Variants in LMX1B observed in about 807,000 individuals in gnomAD.
LMX1B encodes the protein LIM homeobox transcription factor 1-beta.
LMX1B carries 12 observed loss-of-function variants against 51.4 expected under a neutral mutation model. That is an observed-to-expected ratio of 0.23 (90% CI 0.15 to 0.38). The LOEUF (loss-of-function observed/expected upper bound fraction) is 0.38. Ranked by LOEUF, LMX1B falls within the 10% of genes least tolerant of loss-of-function variation. The probability of loss-of-function intolerance (pLI) is 1.00; values close to 1 mark genes in which losing one functional copy is unlikely to be tolerated. For synonymous variants in LMX1B, 237 were observed against 235.4 expected (o/e 1.01, Z -0.06); for missense variants, 445 against 571.1 (o/e 0.78, Z 2.25).
rs1009376337 is a variant in LMX1B, at chr9:126,673,774, G to C, written c.327-17062G>C. 5.9e-5 allele frequency among the ~76,000 whole-genome samples: 9 copies of C among 152,174 alleles called. No homozygotes were observed. The highest frequency in any genetic ancestry group is 2.2e-4 in the African/African-American group (9 of 41,446). On this transcript the variant is annotated intron_variant, in intron 2 of 7. Coordinates refer to ENST00000373474, the MANE Select transcript of LMX1B (RefSeq NM_001174147.2). This position sits in a 1 kb window ranked among gnomAD's most constrained non-coding sequence, Gnocchi z 4.4. ...AGCATTTAGGAATCTGCTTGTGCAG[G>C]GGTGGTGGGAGGGGCCGGGGTGGAG...
intron 6 of LMX1B, 155 bp downstream of exon 6, chr9:126,693,967 A>G: frequency 1.7e-6 from 1 of 593,712 alleles, no homozygotes; most frequent in Admixed American, 3.0e-5. Context: ...GCTAGGGACA[A>G]AGGGGCCCGG....
chr9:126,617,509 G>A (rs896285909), intron 2 of LMX1B, among the ~76,000 whole-genome samples: 2 of 151,526 alleles, frequency 1.3e-5, no homozygotes, highest in Admixed American at 6.6e-5. Flanking sequence ...AAAAAGGAAA[G>A]GATAACCCCT....
At chr9:126,657,729 G>T (rs1836147425) in intron 2 of LMX1B, among the ~76,000 whole-genome samples, 1 of 152,254 alleles carries the variant, frequency 6.6e-6, no homozygotes, top group Non-Finnish European at 1.5e-5. Flanking sequence ...GGCCACTAGT[G>T]AGGACTTGCT....
chr9:126,683,539 A>AG (rs1328885417), intron 2 of LMX1B, among the ~76,000 whole-genome samples: 1 of 152,132 alleles, frequency 6.6e-6, no homozygotes, highest in East Asian at 1.9e-4. Context: ...CAGAGTGTCT[A>AG]GGGTCCTGTC....
At position 126,614,152 on chromosome 9, in the gene LMX1B, T is replaced by TGCA. The variant is rs1303208297; in HGVS notation, c.-292_-290dup. Among the ~76,000 whole-genome samples, 1 of 142,000 alleles carries TGCA rather than the reference T, an allele frequency of 7.0e-6. No individual in the cohort carries two copies. The highest frequency in any genetic ancestry group is 6.9e-5 in the Admixed American group (1 of 14,480). 93.2% of individuals were successfully genotyped at this position (142,000 alleles called of 152,430 possible). On this transcript the variant is annotated 5_prime_UTR_variant, in exon 1 of 8. Transcript: ENST00000373474. Reference sequence around the variant, plus strand: ...GCCGCCTCCTCCCCGCGGCTCCGTCTGCAGCAGCCGCCGCCGCCGGGTTCC... The same window carrying TGCA: ...GCCGCCTCCTCCCCGCGGCTCCGTCTGCAGCAGCAGCCGCCGCCGCCGGGTTCC...
At chr9:126,663,639 GAC>G (rs978445222) in intron 2 of LMX1B, among the ~76,000 whole-genome samples, 7 of 152,198 alleles carry the variant, frequency 4.6e-5, no homozygotes, top group African/African-American at 1.7e-4. Context: ...GGCGCCTAAT[GAC>G]TATGCAGTAA....
chr9:126,614,713 G>A, intron 1 of LMX1B, 125 bp downstream of exon 1: 1 of 1,093,076 alleles, frequency 9.1e-7, no homozygotes, highest in Non-Finnish European at 1.2e-6. Flanking sequence ...GGAGGAGGCA[G>A]AGACAGGACT....
At position 126,641,239 on chromosome 9, in the gene LMX1B, C is replaced by T. The variant is rs1369676129; in HGVS notation, c.326+25670C>T. On this transcript the variant is annotated intron_variant, in intron 2 of 7. Transcript: ENST00000373474. This position sits in a 1 kb window ranked among gnomAD's most constrained non-coding sequence, Gnocchi z 4.1. The stretch of plus-strand genomic sequence containing the variant: ...TCCCCTTTCCTGGAGCACAGGGGAG[C>T]CTGAAGTCCAGGCCTCTGAGATGAT... 6.6e-6 allele frequency: 1 copy of T among 152,254 alleles called. No homozygotes were observed. The highest frequency in any genetic ancestry group is 2.4e-5 in the African/African-American group (1 of 41,438). 9.4% of individuals were successfully genotyped at this position (152,254 alleles called of 1,614,324 possible). A position where few individuals can be genotyped will look rare whatever the true frequency, so the allele number is the denominator to read the frequency against.
In LMX1B at chr9:126,618,821, A is replaced by G. The variant is rs933078792; in HGVS notation, c.326+3252A>G. ...GGGGGAGGGTCGGTGGGAGAGTCCA[A>G]AAATCTGTCACAAAATGGAGTCTAA... On this transcript the variant is annotated intron_variant, in intron 2 of 7. Transcript: ENST00000373474. The surrounding 1 kb of genome is among the most constrained non-coding windows in gnomAD (Gnocchi z 4.5). Among the ~76,000 whole-genome samples, 4 of 151,948 alleles carry G rather than the reference A, an allele frequency of 2.6e-5. No individual in the cohort carries two copies. The highest frequency in any genetic ancestry group is 9.7e-5 in the African/African-American group (4 of 41,326).
intron 2 of LMX1B, among the ~76,000 whole-genome samples, chr9:126,685,676 GA>G (rs1564166816): frequency 6.6e-6 from 1 of 152,198 alleles, no homozygotes; most frequent in East Asian, 1.9e-4. Flanking sequence ...AAAGGGCAGT[GA>G]CGGGGTGTGG....
Position 126,646,950 on chromosome 9 carries a change from G to A in LMX1B, c.326+31381G>A, listed in dbSNP as rs540276406. Among the ~76,000 whole-genome samples, 148 of 152,316 alleles carry A rather than the reference G, an allele frequency of 9.7e-4. No individual in the cohort carries two copies. In the South Asian group the frequency reaches 0.024, roughly 25 times the overall value. On this transcript the variant is annotated intron_variant, in intron 2 of 7. Transcript: ENST00000373474. ...CTCTAGCATTAAGGTTCAAGGGGTC[G>A]TTAAAAGGAAAGACTAACACATTTT...
intron 2 of LMX1B, among the ~76,000 whole-genome samples, chr9:126,657,437 G>A (rs1836137883): frequency 6.6e-6 from 1 of 152,342 alleles, no homozygotes; most frequent in South Asian, 2.1e-4. Context: ...CTCTGCTTAT[G>A]TGCAAGTCTG....
intron 2 of LMX1B, among the ~76,000 whole-genome samples, chr9:126,664,350 A>G (rs919439591): frequency 2.8e-4 from 42 of 152,092 alleles, no homozygotes; most frequent in Admixed American, 2.6e-3. Context: ...AGGCCCCCCA[A>G]GTTACCCCCG....
At chr9:126,638,764 T>A (rs1835759811) in intron 2 of LMX1B, among the ~76,000 whole-genome samples, 2 of 152,056 alleles carry the variant, frequency 1.3e-5, no homozygotes, top group South Asian at 2.1e-4. Flanking sequence ...CGGTGAAAAA[T>A]TAACACGGGC....
chr9:126,681,580 C>A (rs1391020061), intron 2 of LMX1B, among the ~76,000 whole-genome samples: 1 of 152,078 alleles, frequency 6.6e-6, no homozygotes, highest in East Asian at 1.9e-4. Flanking sequence ...GGTGCCCCCC[C>A]TACAGGTGCC....
rs1450707893 is a variant in LMX1B at position 126,695,192 on chromosome 9, C to G, written c.887-647C>G. ...CTGGCCCCAGCCTCGGTCTCCTCCT[C>G]CAGCCTTTCTCACCCTCGTCTACCA... is the stretch of plus-strand genomic sequence containing the variant. On this transcript the variant is annotated intron_variant, in intron 6 of 7. Coordinates refer to ENST00000373474, the MANE Select transcript of LMX1B (RefSeq NM_001174147.2). This position sits in a 1 kb window ranked among gnomAD's most constrained non-coding sequence, Gnocchi z 5.2. 1.3e-5 allele frequency among the ~76,000 whole-genome samples: 2 copies of G among 152,180 alleles called. No individual in the cohort carries two copies. The highest frequency in any genetic ancestry group is 4.8e-5 in the African/African-American group (2 of 41,430).
chr9:126,693,339 G>A lies in LMX1B; in HGVS notation c.741+16G>A, dbSNP rs374894222. The A allele has an allele frequency of 4.4e-6, 7 of 1,583,324 alleles. No homozygotes were observed. Among genetic ancestry groups the A allele is most frequent in the Non-Finnish European group, 5.1e-6 (6 of 1,165,700 alleles). On this transcript the variant is annotated intron_variant, in intron 4 of 7. Transcript: ENST00000373474. Reference sequence around the variant, plus strand: ...TTGCCGAAAGGTGAGGGGCGGCCGGGGGGCGGGGCTCAGGCTGATGCCCGC... The same window carrying A: ...TTGCCGAAAGGTGAGGGGCGGCCGGAGGGCGGGGCTCAGGCTGATGCCCGC...
intron 2 of LMX1B, among the ~76,000 whole-genome samples, chr9:126,634,596 C>T (rs1181887863): frequency 7.3e-6 from 1 of 137,100 alleles, no homozygotes; most frequent in Non-Finnish European, 1.7e-5. Flanking sequence ...GTGCCAGGTT[C>T]TGCACACCCC....
At chr9:126,623,981 C>T (rs1835470872) in intron 2 of LMX1B, among the ~76,000 whole-genome samples, 1 of 152,234 alleles carries the variant, frequency 6.6e-6, no homozygotes, top group Non-Finnish European at 1.5e-5. Flanking sequence ...GGCTCCTGGG[C>T]TCCGCAGCCG....
Sources: allele counts gnomAD v4.1 joint callset (sites outside exome capture counted in the v4.1 genomes callset), GRCh38; gene constraint gnomAD v4.1.1; non-coding constraint Gnocchi (gnomAD v3.1); transcripts MANE v1.5; gene names NCBI Gene and HGNC (gene_info 2026-07-23, HGNC 2026-07-21).